FTCDNL1: variants seen among roughly 807,000 people sequenced by gnomAD.
FTCDNL1 encodes the protein formiminotransferase cyclodeaminase N-terminal like, also known as formiminotransferase N-terminal subdomain-containing protein.
Under a neutral mutation model 5.9 loss-of-function variants are expected in FTCDNL1, and 11 were observed. The observed-to-expected ratio is 1.87, with a 90% CI of 1.18 to 3.10. The LOEUF (loss-of-function observed/expected upper bound fraction) is 3.10. FTCDNL1 is among the 30% of genes most tolerant of loss of function. The pLI, the probability that FTCDNL1 is intolerant of heterozygous loss-of-function variation, is 0.00. For missense variants in FTCDNL1, 115 were observed against 65.5 expected, an observed-to-expected ratio of 1.76 and a Z score of -2.61; for synonymous variants, 58 against 24.8, an observed-to-expected ratio of 2.34 and a Z score of -3.99.
intron 3 of FTCDNL1, among the ~76,000 whole-genome samples, chr2:199,763,673 CT>C (rs1229859946): frequency 6.6e-6 from 1 of 152,104 alleles, no homozygotes; most frequent in Admixed American, 6.5e-5. Flanking sequence ...ACCTCTCCCC[CT>C]ATTCAATGCC....
the FTCDNL1 span, among the ~76,000 whole-genome samples, chr2:199,664,462 A>C: frequency 6.6e-6 from 1 of 152,196 alleles, no homozygotes; most frequent in Admixed American, 6.5e-5. Context: ...CTACAGAGCT[A>C]ATTGAAAAAT....
chr2:199,744,969 C>T, the FTCDNL1 span, among the ~76,000 whole-genome samples: 6 of 152,316 alleles, frequency 3.9e-5, no homozygotes, highest in South Asian at 4.1e-4. Flanking sequence ...ACTTTGTGCA[C>T]GCCTCTCAGC....
the FTCDNL1 span, among the ~76,000 whole-genome samples, chr2:199,746,590 C>A: frequency 6.6e-6 from 1 of 151,806 alleles, no homozygotes; most frequent in Non-Finnish European, 1.5e-5. Context: ...TTGTTAAAAA[C>A]CACTGATGTT....
At chr2:199,807,410 G>A (rs1700784907), downstream of FTCDNL1, among the ~76,000 whole-genome samples, 1 of 152,170 alleles carries the variant, frequency 6.6e-6, no homozygotes, top group Non-Finnish European at 1.5e-5. Context: ...GCCCGAGGTG[G>A]GCAGATCACC....
At chr2:199,841,736 G>A (rs1010802240) in intron 3 of FTCDNL1, among the ~76,000 whole-genome samples, 12 of 152,024 alleles carry the variant, frequency 7.9e-5, no homozygotes, top group African/African-American at 2.4e-4. Context: ...CCACACCACT[G>A]CTCTGTCCCT....
chr2:199,750,723 G>A, the FTCDNL1 span, among the ~76,000 whole-genome samples: 1 of 152,162 alleles, frequency 6.6e-6, no homozygotes, highest in Non-Finnish European at 1.5e-5. Flanking sequence ...TCCACCGGGC[G>A]GACTCTGTCC....
chr2:199,796,564 T>C (rs1337230715), intron 3 of FTCDNL1, among the ~76,000 whole-genome samples: 2 of 152,200 alleles, frequency 1.3e-5, no homozygotes, highest in Non-Finnish European at 2.9e-5. Flanking sequence ...GTTTTAACTT[T>C]AAACAATCAA....
chr2:199,703,234 T>G, the FTCDNL1 span, among the ~76,000 whole-genome samples: 767 of 141,950 alleles, frequency 5.4e-3, 3 homozygotes, highest in Admixed American at 8.7e-3. Context: ...GTCCCCAGAG[T>G]GTGATGTTCC....
Position 199,777,085 on chromosome 2 carries a change from G to T in FTCDNL1, c.212-16250C>A, listed in dbSNP as rs922313698. The stretch of plus-strand genomic sequence containing the variant: ...AGGCAGGTGGATCACCAGAGGTCAG[G>T]AGTTCGAGACTAGCCTGGCCAACAT... On this transcript the variant is annotated intron_variant, in intron 3 of 3. Coordinates refer to the FTCDNL1 transcript ENST00000416668. Among the ~76,000 whole-genome samples the T allele has an allele frequency of 2.6e-5, 4 of 151,782 alleles. No individual in the cohort carries two copies. The South Asian group carries it at 6.2e-4, about 24-fold the overall frequency.
At chr2:199,724,840 C>T in the FTCDNL1 span, among the ~76,000 whole-genome samples, 5 of 151,832 alleles carry the variant, frequency 3.3e-5, no homozygotes, top group East Asian at 7.7e-4. Context: ...CATGTAGCAC[C>T]GAGAAGAATG....
chr2:199,718,362 T>TGCAA, the FTCDNL1 span, among the ~76,000 whole-genome samples: 2 of 152,194 alleles, frequency 1.3e-5, no homozygotes, highest in Non-Finnish European at 2.9e-5. Context: ...TCCATGTTGC[T>TGCAA]GCAAAAGACA....
At chr2:199,805,337 T>C (rs1189667105), downstream of FTCDNL1, among the ~76,000 whole-genome samples, 1 of 152,154 alleles carries the variant, frequency 6.6e-6, no homozygotes, top group Non-Finnish European at 1.5e-5. Context: ...CAGTGACTCA[T>C]GACTGTAATC....
the FTCDNL1 span, among the ~76,000 whole-genome samples, chr2:199,741,785 A>C: frequency 1.3e-5 from 2 of 152,184 alleles, no homozygotes; most frequent in Non-Finnish European, 2.9e-5. Flanking sequence ...TCCTCTTGAC[A>C]TATTAATGCT....
intron 3 of FTCDNL1, among the ~76,000 whole-genome samples, chr2:199,789,341 T>A (rs192388857): frequency 9.9e-5 from 15 of 152,268 alleles, no homozygotes; most frequent in African/African-American, 3.6e-4. Context: ...TACATCAACA[T>A]AATCCCTTAC....
the FTCDNL1 span, among the ~76,000 whole-genome samples, chr2:199,741,263 G>T: frequency 6.6e-6 from 1 of 152,110 alleles, no homozygotes; most frequent in Non-Finnish European, 1.5e-5. Flanking sequence ...GCGATAGAGT[G>T]AGACCCTGTC....
intron 3 of FTCDNL1, among the ~76,000 whole-genome samples, chr2:199,786,449 C>T (rs972833540): frequency 7.2e-5 from 11 of 151,980 alleles, no homozygotes. Context: ...TTTTTCCTGC[C>T]TAGCCCTTAC....
the FTCDNL1 span, among the ~76,000 whole-genome samples, chr2:199,753,993 G>A: frequency 2.6e-5 from 4 of 152,242 alleles, no homozygotes; most frequent in African/African-American, 9.6e-5. Context: ...TGGAGATATT[G>A]CCCCTCCAAG....
the FTCDNL1 span, among the ~76,000 whole-genome samples, chr2:199,724,731 C>T: frequency 5.3e-5 from 8 of 151,798 alleles, no homozygotes; most frequent in South Asian, 2.1e-4. Context: ...AATTTAATTG[C>T]GCTGTTTTCT....
the FTCDNL1 span, among the ~76,000 whole-genome samples, chr2:199,745,998 A>T: frequency 1.3e-5 from 2 of 152,262 alleles, no homozygotes; most frequent in East Asian, 3.8e-4. Flanking sequence ...AAATGATTCC[A>T]CAACATGGAT....
Sources: gnomAD v4.1 joint callset for allele counts (sites outside exome capture counted in the v4.1 genomes callset) on GRCh38, gnomAD v4.1.1 for gene constraint, MANE v1.5 for transcripts, NCBI Gene and HGNC (gene_info 2026-07-23, HGNC 2026-07-21) for gene names.